THADA: variants seen among roughly 807,000 people sequenced by gnomAD.
THADA encodes the protein THADA armadillo repeat containing, also known as tRNA (32-2'-O)-methyltransferase regulator THADA.
In THADA, 213 loss-of-function variants were observed where a neutral mutation model predicts 219.8. The ratio of observed to expected loss-of-function variants is 0.97; its 90% confidence interval spans 0.87 to 1.09. The LOEUF (loss-of-function observed/expected upper bound fraction) is 1.09, where lower values mean the gene tolerates loss of function less well. Ranked by LOEUF, THADA falls within the 50% of genes least tolerant of loss-of-function variation. The pLI, the probability that THADA is intolerant of heterozygous loss-of-function variation, is 0.00. For missense variants in THADA, 2,956 were observed against 2,311.3 expected, an observed-to-expected ratio of 1.28 and a Z score of -5.72; for synonymous variants, 1,018 against 828.9, an observed-to-expected ratio of 1.23 and a Z score of -3.92.
At chr2:43,307,813 C>G (rs983838925) in intron 31 of THADA, among the ~76,000 whole-genome samples, 28 of 151,716 alleles carry the variant, frequency 1.8e-4, no homozygotes, top group African/African-American at 6.8e-4. Flanking sequence ...TATAAGCACG[C>G]AAAGAAGTGG....
At chr2:43,302,337 T>C (rs1414744272) in intron 31 of THADA, among the ~76,000 whole-genome samples, 1 of 152,218 alleles carries the variant, frequency 6.6e-6, no homozygotes, top group South Asian at 2.1e-4. Flanking sequence ...CTGGAGCTTT[T>C]TTCAGCCCTC....
chr2:43,423,444 T>A (rs145529851), intron 28 of THADA, among the ~76,000 whole-genome samples: 1 of 151,644 alleles, frequency 6.6e-6, no homozygotes. Flanking sequence ...TCTTTTTTTT[T>A]TTTTTTGAGA....
At position 43,514,720 on chromosome 2, in the gene THADA, A is replaced by T. The variant is rs865998292; in HGVS notation, c.3375-5940T>A. Among the ~76,000 whole-genome samples the T allele has an allele frequency of 4.3e-3, 327 of 75,180 alleles. 52 individuals carry two copies. The highest frequency in any genetic ancestry group is 0.011 in the African/African-American group (172 of 15,576). The allele number at this position is 75,180 out of a possible 152,430, so 49.3% of individuals were successfully genotyped here. ...ATATATAATATATATATAAATATAT[A>T]TTATATATAATATGTATAATATATA... On this transcript the variant is annotated intron_variant, in intron 22 of 37. Transcript: ENST00000405975.
chr2:43,261,216 CTTTTTTTTTTTTTT>C (rs1181680289), intron 36 of THADA, among the ~76,000 whole-genome samples: 97 of 77,172 alleles, frequency 1.3e-3, no homozygotes, highest in African/African-American at 4.9e-3. Context: ...TTGTGCATTT[CTTTTTTTTTTTTTT>C]TTTTTTTTTT....
chr2:43,283,363 T>C lies in THADA; in HGVS notation c.5165-3467A>G, dbSNP rs1468915826. On this transcript the variant is annotated intron_variant, in intron 35 of 37. Coordinates refer to ENST00000405975, the MANE Select transcript of THADA (RefSeq NM_022065.5). ...CTATAAAGACATTTCCACCTGAAAA[T>C]GTGGAAGCAACTTTGGAACCGGGTA... Among the ~76,000 whole-genome samples the C allele has an allele frequency of 2.0e-5, 3 of 152,114 alleles. No homozygotes were observed. The East Asian group carries it at 5.8e-4, about 29-fold the overall frequency.
chr2:43,379,727 A>T (rs759806715), intron 29 of THADA, among the ~76,000 whole-genome samples: 2 of 152,246 alleles, frequency 1.3e-5, no homozygotes, highest in Non-Finnish European at 2.9e-5. Context: ...TGTTCACATA[A>T]AAACCAACTT....
chr2:43,402,747 A>G (rs1675015917), intron 28 of THADA, among the ~76,000 whole-genome samples: 1 of 152,210 alleles, frequency 6.6e-6, no homozygotes, highest in African/African-American at 2.4e-5. Context: ...GAACCAGCCA[A>G]TGATTCTCAG....
intron 31 of THADA, among the ~76,000 whole-genome samples, chr2:43,315,376 C>T (rs1041838274): frequency 2.0e-5 from 3 of 152,180 alleles, no homozygotes; most frequent in East Asian, 3.8e-4. Flanking sequence ...TTCCCCACTC[C>T]CTACCTCCCA....
At chr2:43,421,447 A>C (rs545599203) in intron 28 of THADA, among the ~76,000 whole-genome samples, 4 of 152,320 alleles carry the variant, frequency 2.6e-5, no homozygotes, top group Middle Eastern at 3.4e-3. Context: ...CTATGTCAAC[A>C]GTACTGGCAA....
intron 36 of THADA, among the ~76,000 whole-genome samples, chr2:43,259,183 C>T (rs1256590778): frequency 1.3e-5 from 2 of 152,226 alleles, no homozygotes; most frequent in Admixed American, 6.5e-5. Context: ...TCACCCAGCA[C>T]TTGCTGAAGA....
intron 23 of THADA, among the ~76,000 whole-genome samples, chr2:43,506,418 T>C (rs1034904225): frequency 3.3e-5 from 5 of 152,202 alleles, no homozygotes; most frequent in African/African-American, 4.8e-5. Context: ...TACTAATATA[T>C]ATTACAACAT....
At chr2:43,586,593 A>G in intron 6 of THADA, 109 bp downstream of exon 6, 1 of 1,357,330 alleles carries the variant, frequency 7.4e-7, no homozygotes, top group Non-Finnish European at 1.0e-6. Context: ...TGATGTACCT[A>G]AGTTATCTAC....
intron 25 of THADA, among the ~76,000 whole-genome samples, chr2:43,486,061 G>A (rs1246567747): frequency 6.6e-6 from 1 of 151,920 alleles, no homozygotes; most frequent in Non-Finnish European, 1.5e-5. Context: ...TCCAGCCTGG[G>A]CAAAAGAGTG....
chr2:43,493,221 G>A (rs1230938181), intron 25 of THADA, among the ~76,000 whole-genome samples: 1 of 152,200 alleles, frequency 6.6e-6, no homozygotes, highest in African/African-American at 2.4e-5. Context: ...TATAGGCCAG[G>A]CGCAGTGGCT....
At chr2:43,555,214 AAT>A (rs981491783) in intron 17 of THADA, among the ~76,000 whole-genome samples, 5 of 151,884 alleles carry the variant, frequency 3.3e-5, no homozygotes. Context: ...AATATATAAT[AAT>A]ATATACACCA....
chr2:43,281,556 C>T (rs1165372920), intron 35 of THADA, among the ~76,000 whole-genome samples: 1 of 151,326 alleles, frequency 6.6e-6, no homozygotes, highest in Admixed American at 6.6e-5. Flanking sequence ...ATTCTCCTGC[C>T]TGAGCCTCCC....
chr2:43,582,569 C>CTTTTT (rs755116429), intron 7 of THADA, among the ~76,000 whole-genome samples: 3 of 119,394 alleles, frequency 2.5e-5, no homozygotes, highest in Admixed American at 8.3e-5. Context: ...CCCTCCCTGG[C>CTTTTT]TTTTTTTTTT....
chr2:43,282,489 C>G (rs1673473918), intron 35 of THADA, among the ~76,000 whole-genome samples: 1 of 152,224 alleles, frequency 6.6e-6, no homozygotes, highest in Non-Finnish European at 1.5e-5. Flanking sequence ...TAAATCCTTT[C>G]TCCACAACTA....
chr2:43,245,483 TTTATAAGAAAG>T (rs1391340853), intron 36 of THADA, among the ~76,000 whole-genome samples: 2 of 152,120 alleles, frequency 1.3e-5, no homozygotes, highest in African/African-American at 4.8e-5. Context: ...ACTTCTTTCT[TTTATAAGAAAG>T]TAAGTCTTCT....
Sources: allele counts gnomAD v4.1 joint callset (sites outside exome capture counted in the v4.1 genomes callset), GRCh38; gene constraint gnomAD v4.1.1; transcripts MANE v1.5; gene names NCBI Gene and HGNC (gene_info 2026-07-23, HGNC 2026-07-21).